Variants in C1orf21 observed in about 807,000 individuals in gnomAD.
The protein encoded by C1orf21 is uncharacterized protein C1orf21.
C1orf21 carries 3 observed loss-of-function variants against 18.7 expected under a neutral mutation model. That is an observed-to-expected ratio of 0.16 (90% CI 0.07 to 0.42). The LOEUF is 0.42. C1orf21 is among the 10% of genes least tolerant of loss of function. The pLI is 0.99. For missense variants in C1orf21, 104 were observed against 143.6 expected (o/e 0.72, Z 1.41); for synonymous variants, 41 against 46.4 (o/e 0.88, Z 0.47).
At chr1:184,595,704 C>T (rs1435797911) in intron 4 of C1orf21, among the ~76,000 whole-genome samples, 2 of 152,096 alleles carry the variant, frequency 1.3e-5, no homozygotes, top group South Asian at 2.1e-4. Flanking sequence ...GGCATTTGCT[C>T]CCCCGGCAAT....
At chr1:184,581,954 A>G (rs1659282390) in intron 3 of C1orf21, among the ~76,000 whole-genome samples, 1 of 152,264 alleles carries the variant, frequency 6.6e-6, no homozygotes, top group South Asian at 2.1e-4. Context: ...GTAACAAAAT[A>G]CTAATAACTC....
intron 3 of C1orf21, among the ~76,000 whole-genome samples, chr1:184,555,214 G>A (rs1658861328): frequency 6.6e-6 from 1 of 152,144 alleles, no homozygotes; most frequent in African/African-American, 2.4e-5. Flanking sequence ...AAATAAATCA[G>A]TTTTCTGCCT....
In C1orf21 at chr1:184,571,118, C is replaced by T. The variant is rs192211690; in HGVS notation, c.190-19621C>T. ...ACCATCCCGGCTAAAACGGTGAAAC[C>T]CCGTCTCTACTAAAAAATACAAAAA... is the stretch of plus-strand genomic sequence containing the variant. On this transcript the variant is annotated intron_variant, in intron 3 of 5. Coordinates refer to ENST00000235307, the MANE Select transcript of C1orf21 (RefSeq NM_030806.4). 7.3e-3 allele frequency among the ~76,000 whole-genome samples: 1,113 copies of T among 151,880 alleles called. 12 individuals are homozygous for T. The highest frequency in any genetic ancestry group is 0.025 in the African/African-American group (1,046 of 41,428).
rs574690092 is a variant in C1orf21, at chr1:184,584,554, A to C, written c.190-6185A>C. On this transcript the variant is annotated intron_variant, in intron 3 of 5. Coordinates refer to ENST00000235307, the MANE Select transcript of C1orf21 (RefSeq NM_030806.4). ...ACATAAACTTACTATGTAATCTAGC[A>C]GTTCTACTCCTAGGAATCTACCTAA... Among the ~76,000 whole-genome samples, 7 of 152,324 alleles carry C rather than the reference A, an allele frequency of 4.6e-5. No homozygotes were observed. The South Asian group carries it at 1.2e-3, about 27-fold the overall frequency.
chr1:184,499,306 A>G (rs971794095), intron 2 of C1orf21, among the ~76,000 whole-genome samples: 2 of 152,196 alleles, frequency 1.3e-5, no homozygotes, highest in African/African-American at 4.8e-5. Context: ...ACAAGTTGTA[A>G]AGACATTGCA....
chr1:184,477,732 C>T (rs184553795), intron 2 of C1orf21, 129 bp downstream of exon 2: 56 of 694,626 alleles, frequency 8.1e-5, no homozygotes, highest in Middle Eastern at 6.7e-4. Context: ...GAATGTGTAA[C>T]GATCAAGTCG....
chr1:184,486,552 C>T (rs1041423316), intron 2 of C1orf21, among the ~76,000 whole-genome samples: 2 of 152,158 alleles, frequency 1.3e-5, no homozygotes, highest in South Asian at 4.1e-4. Flanking sequence ...TCTTCACTCT[C>T]CTCCCCTCGG....
rs573136866 is a variant in C1orf21, at chr1:184,387,399, G to C, written c.-125+31G>C. The C allele has an allele frequency of 6.6e-6, 1 of 152,234 alleles. No individual in the cohort carries two copies. Among genetic ancestry groups the C allele is most frequent in the Non-Finnish European group, 1.5e-5 (1 of 68,164 alleles). 9.4% of individuals were successfully genotyped at this position (152,234 alleles called of 1,614,324 possible). On this transcript the variant is annotated intron_variant, in intron 1 of 5. Coordinates refer to ENST00000235307, the MANE Select transcript of C1orf21 (RefSeq NM_030806.4). This position sits in a 1 kb window ranked among gnomAD's most constrained non-coding sequence, Gnocchi z 5.6. Reference sequence around the variant, plus strand: ...TGTGAGCCATTGCCTGCTCTGGGGCGGGGGGAGCTGGCGGTGCAGCCCGCC... The same window carrying C: ...TGTGAGCCATTGCCTGCTCTGGGGCCGGGGGAGCTGGCGGTGCAGCCCGCC...
chr1:184,567,624 T>C, intron 3 of C1orf21: 1 of 437,102 alleles, frequency 2.3e-6, no homozygotes. Flanking sequence ...CAGTGGAGGA[T>C]GCTAGGCAGA....
intron 5 of C1orf21, among the ~76,000 whole-genome samples, chr1:184,617,904 GTTTTTT>G (rs142357373): frequency 1.1e-5 from 1 of 87,504 alleles, no homozygotes; most frequent in African/African-American, 4.2e-5. Context: ...TGTTGTTGTT[GTTTTTT>G]TTTTTTTTTT....
intron 4 of C1orf21, among the ~76,000 whole-genome samples, chr1:184,596,264 C>G (rs571179177): frequency 1.3e-5 from 2 of 152,194 alleles, no homozygotes; most frequent in East Asian, 3.8e-4. Context: ...ACATCAGTGA[C>G]CAGCCCTGGT....
intron 1 of C1orf21, among the ~76,000 whole-genome samples, chr1:184,465,081 T>C (rs1426226975): frequency 6.6e-6 from 1 of 152,172 alleles, no homozygotes; most frequent in Non-Finnish European, 1.5e-5. Flanking sequence ...AGTTTTCTAA[T>C]TTGTAAAATT....
intron 3 of C1orf21, among the ~76,000 whole-genome samples, chr1:184,530,473 C>T (rs1352937199): frequency 6.6e-6 from 1 of 152,068 alleles, no homozygotes; most frequent in African/African-American, 2.4e-5. Context: ...CATCTTTGGA[C>T]CAAATAACTT....
chr1:184,604,477 A>G (rs1049831873), intron 5 of C1orf21, among the ~76,000 whole-genome samples: 1 of 152,206 alleles, frequency 6.6e-6, no homozygotes, highest in African/African-American at 2.4e-5. Context: ...TTCTTGCTCC[A>G]TGGTAAACAT....
intron 1 of C1orf21, among the ~76,000 whole-genome samples, chr1:184,398,793 A>G (rs1656103524): frequency 1.3e-5 from 2 of 152,216 alleles, no homozygotes; most frequent in South Asian, 4.1e-4. Flanking sequence ...AATATGGTAT[A>G]AAATATAAAA....
chr1:184,545,721 G>T lies in C1orf21; in HGVS notation c.189+38039G>T, dbSNP rs531140721. On this transcript the variant is annotated intron_variant, in intron 3 of 5. Coordinates refer to ENST00000235307, the MANE Select transcript of C1orf21 (RefSeq NM_030806.4). The stretch of plus-strand genomic sequence containing the variant: ...TCAGTGTCTTCAGCCAACTGAGCAA[G>T]AATTCTTGTTGCAACAAGTTTTGCA... Among the ~76,000 whole-genome samples, 6 of 152,284 alleles carry T rather than the reference G, an allele frequency of 3.9e-5. No individual in the cohort carries two copies. The South Asian group carries it at 6.2e-4, about 16-fold the overall frequency.
At chr1:184,534,124 T>C (rs535625590) in intron 3 of C1orf21, among the ~76,000 whole-genome samples, 1 of 152,338 alleles carries the variant, frequency 6.6e-6, no homozygotes, top group African/African-American at 2.4e-5. Context: ...CTGATAATAA[T>C]GCCTTTCATT....
chr1:184,459,700 C>G (rs1657272222), intron 1 of C1orf21, among the ~76,000 whole-genome samples: 1 of 152,094 alleles, frequency 6.6e-6, no homozygotes, highest in Non-Finnish European at 1.5e-5. Context: ...TTTTGTCACT[C>G]ATGGTCTAGT....
intron 5 of C1orf21, among the ~76,000 whole-genome samples, chr1:184,598,689 G>A (rs141825416): frequency 3.0e-4 from 46 of 152,292 alleles, no homozygotes; most frequent in Admixed American, 1.6e-3. Context: ...ATTAAAGTAT[G>A]TGAAGTCAGT....
Sources: gnomAD v4.1 joint callset for allele counts (sites outside exome capture counted in the v4.1 genomes callset) on GRCh38, gnomAD v4.1.1 for gene constraint, Gnocchi (gnomAD v3.1) non-coding constraint, MANE v1.5 for transcripts, NCBI Gene and HGNC (gene_info 2026-07-23, HGNC 2026-07-21) for gene names.